The following NIBAN3 variants were observed in gnomAD, a reference collection of about 807,000 sequenced individuals.
NIBAN3 encodes the protein niban apoptosis regulator 3.
NIBAN3 carries 66 observed loss-of-function variants against 76.4 expected under a neutral mutation model. The ratio of observed to expected loss-of-function variants is 0.86; its 90% confidence interval spans 0.71 to 1.06. The LOEUF (loss-of-function observed/expected upper bound fraction) is 1.06. Ranked by LOEUF, NIBAN3 falls within the 50% of genes least tolerant of loss-of-function variation. The probability of loss-of-function intolerance (pLI) is 0.00; values close to 1 mark genes in which losing one functional copy is unlikely to be tolerated. For missense variants in NIBAN3, 808 were observed against 810.7 expected (o/e 1.00, Z 0.04); for synonymous variants, 360 against 355.2 (o/e 1.01, Z -0.15).
At chr19:17,523,687 C>T (rs948459256), upstream of NIBAN3, among the ~76,000 whole-genome samples, 2 of 152,174 alleles carry the variant, frequency 1.3e-5, no homozygotes, top group Non-Finnish European at 2.9e-5. Context: ...GTGAAATTCA[C>T]CCTTCCCACA....
At position 17,530,747 on chromosome 19, in the gene NIBAN3, C is replaced by A; in HGVS notation, c.56-8C>A. On this transcript the variant is annotated splice_region_variant and splice_polypyrimidine_tract_variant and intron_variant, in intron 1 of 14. Coordinates refer to ENST00000599164, the MANE Select transcript of NIBAN3 (RefSeq NM_001321827.2). ...TTTGCTGGGTTCACTGTCCCCTTGT[C>A]CCTGCAGGTCAGGTGGACACCCTGC... The A allele has an allele frequency of 6.2e-7, 1 of 1,602,168 alleles. No individual in the cohort carries two copies. Among genetic ancestry groups the A allele is most frequent in the Non-Finnish European group, 8.5e-7 (1 of 1,172,206 alleles).
upstream of NIBAN3, among the ~76,000 whole-genome samples, chr19:17,524,985 C>T (rs755745612): frequency 1.3e-5 from 2 of 152,186 alleles, no homozygotes; most frequent in African/African-American, 2.4e-5. Flanking sequence ...CCATGGGCTC[C>T]GTTATGATCA....
At chr19:17,546,012 G>C (rs770313032) in intron 12 of NIBAN3, 13 of 427,454 alleles carry the variant, frequency 3.0e-5, no homozygotes, top group African/African-American at 6.1e-5. Flanking sequence ...CTGGCAACAG[G>C]CATCTTCCCA....
chr19:17,553,457 G>A lies in NIBAN3; in HGVS notation c.*1559G>A, dbSNP rs147123061. On this transcript the variant is annotated 3_prime_UTR_variant, in exon 15 of 15. Transcript: ENST00000599164. ...AGCTGCTTCCGGAGTGGGTTCCACA[G>A]GGATTCCCGTGTGTTCTTGGTTCAG... is the stretch of plus-strand genomic sequence containing the variant. The A allele has an allele frequency of 1.3e-4, 213 of 1,614,206 alleles. No individual in the cohort carries two copies. The African/African-American group carries it at 2.6e-3, about 20-fold the overall frequency.
chr19:17,555,301 G>A (rs1328454889), downstream of NIBAN3, among the ~76,000 whole-genome samples: 3 of 152,142 alleles, frequency 2.0e-5, no homozygotes, highest in African/African-American at 4.8e-5. Flanking sequence ...CTGAGGCTAA[G>A]GTCTCTTGGG....
In NIBAN3 at chr19:17,546,666, C is replaced by T; in HGVS notation, c.1555-20C>T. 2 of 1,525,146 alleles carry T rather than the reference C, an allele frequency of 1.3e-6. No homozygotes were observed. Among genetic ancestry groups the T allele is most frequent in the East Asian group, 4.8e-5 (2 of 41,658 alleles). The allele number at this position is 1,525,146 out of a possible 1,614,324, so 94.5% of individuals were successfully genotyped here. A position where few individuals can be genotyped will look rare whatever the true frequency, so the allele number is the denominator to read the frequency against. On this transcript the variant is annotated intron_variant, in intron 12 of 14. Coordinates refer to ENST00000599164, the MANE Select transcript of NIBAN3 (RefSeq NM_001321827.2). ...GGGGCCCTCCTCTCCATCCGAGCCCCTAACCCGCCATGGTTCCAGGAGCTG... is the reference window on the plus strand; with the variant it reads ...GGGGCCCTCCTCTCCATCCGAGCCCTTAACCCGCCATGGTTCCAGGAGCTG...
At chr19:17,555,137 G>T (rs1390693284), downstream of NIBAN3, among the ~76,000 whole-genome samples, 1 of 152,092 alleles carries the variant, frequency 6.6e-6, no homozygotes, top group South Asian at 2.1e-4. Flanking sequence ...TTTATAGATG[G>T]ACAGACTGAG....
At chr19:17,537,339 G>A (rs1226862865) in intron 4 of NIBAN3, 37 bp from the exon 5 acceptor site, 1 of 1,596,852 alleles carries the variant, frequency 6.3e-7, no homozygotes, top group South Asian at 1.1e-5. Context: ...CCTAGTGAAT[G>A]AACGTCTAGA....
chr19:17,529,603 A>C (rs956179903), intron 1 of NIBAN3, among the ~76,000 whole-genome samples: 2 of 152,356 alleles, frequency 1.3e-5, no homozygotes, highest in East Asian at 3.9e-4. Context: ...TCACTCACAG[A>C]AAGTTCACTT....
At chr19:17,545,985 G>T in intron 12 of NIBAN3, 1 of 439,652 alleles carries the variant, frequency 2.3e-6, no homozygotes, top group South Asian at 1.6e-5. Flanking sequence ...TTTCGCTACC[G>T]CTAGACCACG....
chr19:17,549,428 G>T lies in NIBAN3; in HGVS notation c.1667-16G>T. 1.2e-6 allele frequency: 2 copies of T among 1,600,466 alleles called. No homozygotes were observed. Among genetic ancestry groups the T allele is most frequent in the Non-Finnish European group, 1.7e-6 (2 of 1,168,822 alleles). On this transcript the variant is annotated splice_polypyrimidine_tract_variant and intron_variant, in intron 13 of 14. Transcript: ENST00000599164. ...TGGGCTTCCCCAGGTGTGTCCAAGA[G>T]TTCATCTCATTTCAGAATTGAAAAA...
upstream of NIBAN3, chr19:17,527,133 C>T (rs574111923): frequency 1.1e-4 from 150 of 1,334,458 alleles, no homozygotes; most frequent in East Asian, 5.1e-4. Context: ...GGGCTGTCCC[C>T]GCAGCCTCTA....
chr19:17,536,917 G>A (rs986051518), intron 4 of NIBAN3, among the ~76,000 whole-genome samples: 2 of 151,944 alleles, frequency 1.3e-5, no homozygotes, highest in African/African-American at 4.8e-5. Context: ...CAGGCAGATC[G>A]CTTGAGCTCA....
intron 8 of NIBAN3, chr19:17,540,183 C>A: frequency 2.3e-6 from 1 of 429,228 alleles, no homozygotes. Flanking sequence ...GATACATGGG[C>A]AGCGGTGGGC....
At chr19:17,551,701 T>G (rs762997375) in intron 14 of NIBAN3, 85 bp from the exon 15 acceptor site, 121 of 637,158 alleles carry the variant, frequency 1.9e-4, no homozygotes, top group Non-Finnish European at 3.3e-4. Flanking sequence ...AACATCTCTA[T>G]TAACTCTGAT....
chr19:17,526,941 G>A (rs535645663), upstream of NIBAN3, among the ~76,000 whole-genome samples: 169 of 152,224 alleles, frequency 1.1e-3, no homozygotes, highest in South Asian at 1.9e-3. Flanking sequence ...CGGGCACAGG[G>A]TAGGCACAGT....
chr19:17,538,260 C>T (rs1179501355), intron 5 of NIBAN3, among the ~76,000 whole-genome samples: 1 of 150,686 alleles, frequency 6.6e-6, no homozygotes, highest in African/African-American at 2.4e-5. Context: ...ACTAAAAATA[C>T]AAAAAATTAG....
At chr19:17,538,623 AG>A (rs2075869490) in intron 5 of NIBAN3, among the ~76,000 whole-genome samples, 1 of 150,736 alleles carries the variant, frequency 6.6e-6, no homozygotes, top group African/African-American at 2.5e-5. Context: ...CCCCTGAGAA[AG>A]AGAGAGAAAA....
At position 17,553,269 on chromosome 19, in the gene NIBAN3, T is replaced by G. The variant is rs1004033778; in HGVS notation, c.*1371T>G. The G allele has an allele frequency of 1.3e-6, 2 of 1,597,002 alleles. No homozygotes were observed. Among genetic ancestry groups the G allele is most frequent in the Non-Finnish European group, 1.7e-6 (2 of 1,170,952 alleles). On this transcript the variant is annotated 3_prime_UTR_variant, in exon 15 of 15. Coordinates refer to ENST00000599164, the MANE Select transcript of NIBAN3 (RefSeq NM_001321827.2). ...GTGATACAGGTTACAGATTTTGGGG[T>G]TTTTTTCTCCGCTTGCTGTGAGCCT...
Sources: allele counts gnomAD v4.1 joint callset (sites outside exome capture counted in the v4.1 genomes callset), GRCh38; gene constraint gnomAD v4.1.1; transcripts MANE v1.5; gene names NCBI Gene and HGNC (gene_info 2026-07-23, HGNC 2026-07-21).